Variants in KLF12 observed in about 807,000 individuals in gnomAD.
The protein encoded by KLF12 is KLF transcription factor 12.
Under a neutral mutation model 37.8 loss-of-function variants are expected in KLF12, and 9 were observed. The observed-to-expected ratio is 0.24, with a 90% CI of 0.14 to 0.42. KLF12 has a LOEUF of 0.42. KLF12 is among the 10% of genes least tolerant of loss of function. The pLI, the probability that KLF12 is intolerant of heterozygous loss-of-function variation, is 1.00. For synonymous variants in KLF12, 208 were observed against 202.1 expected, an observed-to-expected ratio of 1.03 and a Z score of -0.25; for missense variants, 411 against 516.0, an observed-to-expected ratio of 0.80 and a Z score of 1.97.
At chr13:74,117,079 T>C (rs1877351524) in intron 1 of KLF12, among the ~76,000 whole-genome samples, 3 of 152,140 alleles carry the variant, frequency 2.0e-5, no homozygotes, top group African/African-American at 7.2e-5. Flanking sequence ...TATTTATCAG[T>C]TTATTAAAAA....
At chr13:73,736,549 G>T (rs982268197) in intron 6 of KLF12, among the ~76,000 whole-genome samples, 15 of 152,162 alleles carry the variant, frequency 9.9e-5, no homozygotes, top group Admixed American at 2.6e-4. Flanking sequence ...AGTATCAGGT[G>T]ATATGTGTCT....
chr13:73,776,817 T>TATGA (rs1453674458), intron 5 of KLF12, among the ~76,000 whole-genome samples: 1 of 152,188 alleles, frequency 6.6e-6, no homozygotes, highest in African/African-American at 2.4e-5. Flanking sequence ...TCTGGTTGCT[T>TATGA]ATGAAGCACT....
the KLF12 span, among the ~76,000 whole-genome samples, chr13:74,156,026 C>G: frequency 1.3e-5 from 2 of 152,202 alleles, no homozygotes; most frequent in Non-Finnish European, 1.5e-5. Context: ...GGTTGTGCCA[C>G]TTCTATGTTC....
chr13:74,233,129 T>C, the KLF12 span, among the ~76,000 whole-genome samples: 1 of 152,186 alleles, frequency 6.6e-6, no homozygotes, highest in Non-Finnish European at 1.5e-5. Flanking sequence ...GTGATCTGCC[T>C]ACCTTGGCCT....
intron 2 of KLF12, among the ~76,000 whole-genome samples, chr13:73,985,050 G>A (rs1891790136): frequency 6.6e-6 from 1 of 152,214 alleles, no homozygotes; most frequent in Non-Finnish European, 1.5e-5. Context: ...ACCTTCCCCA[G>A]TGCGCAGCTT....
At chr13:74,146,127 G>T in the KLF12 span, among the ~76,000 whole-genome samples, 2 of 152,166 alleles carry the variant, frequency 1.3e-5, no homozygotes, top group Non-Finnish European at 2.9e-5. Context: ...TTAATAGCCA[G>T]CAAAGCACAT....
chr13:74,172,937 C>T, the KLF12 span, among the ~76,000 whole-genome samples: 42,367 of 152,030 alleles, frequency 0.28, 9,358 homozygotes, highest in African/African-American at 0.61. Context: ...GAAAAAGTGC[C>T]CACGTCTACA....
chr13:74,130,755 GC>G (rs889583457), intron 1 of KLF12, among the ~76,000 whole-genome samples: 1 of 152,094 alleles, frequency 6.6e-6, no homozygotes, highest in African/African-American at 2.4e-5. Flanking sequence ...CATGCAAGTG[GC>G]AAGCAGAAAA....
In KLF12 at chr13:73,732,718, T is replaced by C. The variant is rs561573755; in HGVS notation, c.870-17193A>G. ...TCATTCCCATGTTTCGCATGGTGTG[T>C]TTCATATACCTTTTTGTATGTCACT... On this transcript the variant is annotated intron_variant, in intron 6 of 7. Transcript: ENST00000377669. Among the ~76,000 whole-genome samples the C allele has an allele frequency of 2.0e-5, 3 of 152,264 alleles. No homozygotes were observed. In the East Asian group the frequency reaches 5.8e-4, roughly 29 times the overall value.
At chr13:73,785,456 T>C (rs1007833878) in intron 5 of KLF12, among the ~76,000 whole-genome samples, 1 of 152,176 alleles carries the variant, frequency 6.6e-6, no homozygotes, top group Non-Finnish European at 1.5e-5. Flanking sequence ...TCACTGCAGG[T>C]AGCCTTCTAC....
chr13:74,120,818 T>C (rs1877584181), intron 1 of KLF12, among the ~76,000 whole-genome samples: 1 of 152,068 alleles, frequency 6.6e-6, no homozygotes, highest in Non-Finnish European at 1.5e-5. Flanking sequence ...TACCTGAAGG[T>C]AGGCTGTGAG....
At chr13:73,984,538 GTGGCCTTC>G (rs112846243) in intron 2 of KLF12, among the ~76,000 whole-genome samples, 4,121 of 152,240 alleles carry the variant, frequency 0.027, 108 homozygotes, top group East Asian at 0.086. Flanking sequence ...TACATCCAGT[GTGGCCTTC>G]CTCTCCTGCG....
chr13:74,258,970 T>C, the KLF12 span: 1 of 152,298 alleles, frequency 6.6e-6, no homozygotes, highest in Non-Finnish European at 1.5e-5. Context: ...GAGTAGAACA[T>C]GCCCCAGAGT....
intron 1 of KLF12, among the ~76,000 whole-genome samples, chr13:74,106,440 T>C (rs1876653682): frequency 6.6e-6 from 1 of 152,184 alleles, no homozygotes; most frequent in Non-Finnish European, 1.5e-5. Context: ...TTCAGACCAA[T>C]CTGGGGAACT....
Position 74,034,412 on chromosome 13 carries a change from C to T in KLF12, c.-31-39359G>A, listed in dbSNP as rs1164380053. Among the ~76,000 whole-genome samples the T allele has an allele frequency of 2.6e-5, 4 of 152,244 alleles. No homozygotes were observed. In the East Asian group the frequency reaches 5.8e-4, roughly 22 times the overall value. ...TGAAATCCCAGTTCAAATATTTTCCCATCTTTATATTGGGCAGCTGCTGCC... is the reference window on the plus strand; with the variant it reads ...TGAAATCCCAGTTCAAATATTTTCCTATCTTTATATTGGGCAGCTGCTGCC... On this transcript the variant is annotated intron_variant, in intron 1 of 7. Transcript: ENST00000377669.
At chr13:74,267,047 G>T in the KLF12 span, among the ~76,000 whole-genome samples, 444 of 152,242 alleles carry the variant, frequency 2.9e-3, 1 homozygote, top group African/African-American at 0.01. Flanking sequence ...TCACTCTCTA[G>T]ATGTCAGTCA....
the KLF12 span, among the ~76,000 whole-genome samples, chr13:74,274,041 T>C: frequency 9.2e-5 from 14 of 152,156 alleles, no homozygotes; most frequent in African/African-American, 3.4e-4. Context: ...TCTTGAGGCA[T>C]GCACCGAAAA....
At chr13:73,859,696 A>C (rs553874585) in intron 3 of KLF12, among the ~76,000 whole-genome samples, 2 of 152,318 alleles carry the variant, frequency 1.3e-5, no homozygotes, top group African/African-American at 4.8e-5. Context: ...CTTTAGAAAA[A>C]TAAGGACAAC....
chr13:74,208,479 G>C, the KLF12 span, among the ~76,000 whole-genome samples: 472 of 152,208 alleles, frequency 3.1e-3, 3 homozygotes, highest in African/African-American at 0.011. Context: ...TGGGAATTTT[G>C]CTGGCATTAA....
Sources: allele counts gnomAD v4.1 joint callset (sites outside exome capture counted in the v4.1 genomes callset), GRCh38; gene constraint gnomAD v4.1.1; transcripts MANE v1.5; gene names NCBI Gene and HGNC (gene_info 2026-07-23, HGNC 2026-07-21).